FBXL7: variants seen among roughly 807,000 people sequenced by gnomAD.
The protein encoded by FBXL7 is F-box/LRR-repeat protein 7.
A neutral mutation model predicts 38.3 loss-of-function variants in FBXL7; 12 were observed. That is an observed-to-expected ratio of 0.31 (90% CI 0.20 to 0.51). FBXL7 has a LOEUF of 0.51. Ranked by LOEUF, FBXL7 falls within the 20% of genes least tolerant of loss-of-function variation. FBXL7 has a pLI of 0.98. For missense variants in FBXL7, 567 were observed against 676.4 expected (o/e 0.84, Z 1.79); for synonymous variants, 297 against 300.9 (o/e 0.99, Z 0.13).
At chr5:15,532,032 G>T (rs906079020) in intron 1 of FBXL7, among the ~76,000 whole-genome samples, 2 of 152,150 alleles carry the variant, frequency 1.3e-5, no homozygotes, top group African/African-American at 4.8e-5. Flanking sequence ...CTTCTGTAAT[G>T]GTGTCACATG....
rs1198241404 is a variant in FBXL7, at chr5:15,654,949, C to A, written c.127+38877C>A. ...TCTATGTTTGCATAGTATGTACACG[C>A]TAGAAAATTTCTCAGAGTGACTGTG... On this transcript the variant is annotated intron_variant, in intron 2 of 3. Transcript: ENST00000504595. Among the ~76,000 whole-genome samples, 3 of 152,254 alleles carry A rather than the reference C, an allele frequency of 2.0e-5. No individual in the cohort carries two copies. In the East Asian group the frequency reaches 5.8e-4, roughly 29 times the overall value.
chr5:15,503,422 A>AAAAAC (rs1561007683), intron 1 of FBXL7, among the ~76,000 whole-genome samples: 1 of 152,244 alleles, frequency 6.6e-6, no homozygotes, highest in African/African-American at 2.4e-5. Flanking sequence ...CTCCGTGTCA[A>AAAAAC]AAAACAAAAC....
rs772665720 is a variant in FBXL7, at chr5:15,928,305, C to G, written c.543C>G (p.Thr181=). 1.9e-6 allele frequency: 3 copies of G among 1,613,676 alleles called. No individual in the cohort carries two copies. The highest frequency in any genetic ancestry group is 2.5e-6 in the Non-Finnish European group (3 of 1,179,756). Residue 181 remains threonine (T), a synonymous_variant, in exon 3 of 4, where the codon ACC becomes ACG. Transcript: ENST00000504595. This position sits in a 1 kb window ranked among gnomAD's most constrained non-coding sequence, Gnocchi z 4.0. ...TGACCCGCAGACTCTGCCAGGACAC[C>G]CCCAACGTGTGTCTCATGCTGGAAA... is the stretch of plus-strand genomic sequence containing the variant. ...KVLTRRLCQD[T]PNVCLMLETV...
chr5:15,863,887 A>G (rs1042504664), intron 2 of FBXL7, among the ~76,000 whole-genome samples: 1 of 152,186 alleles, frequency 6.6e-6, no homozygotes, highest in Non-Finnish European at 1.5e-5. Context: ...GGCCCTCACT[A>G]GATGCCTAAT....
intron 2 of FBXL7, among the ~76,000 whole-genome samples, chr5:15,793,367 T>A (rs1323898088): frequency 6.6e-6 from 1 of 152,184 alleles, no homozygotes; most frequent in Non-Finnish European, 1.5e-5. Context: ...CAGGAGTTCC[T>A]GGCTGGAAAC....
chr5:15,784,222 G>A (rs548573976), intron 2 of FBXL7, among the ~76,000 whole-genome samples: 24 of 152,116 alleles, frequency 1.6e-4, no homozygotes, highest in Non-Finnish European at 2.9e-4. Flanking sequence ...GGGCAAGTCA[G>A]GCAACTCTGT....
At chr5:15,550,748 T>G (rs1738042423) in intron 1 of FBXL7, among the ~76,000 whole-genome samples, 3 of 152,182 alleles carry the variant, frequency 2.0e-5, no homozygotes, top group African/African-American at 7.2e-5. Context: ...TCTCCCAAAC[T>G]CTTGGCTGAA....
chr5:15,732,326 T>C (rs1392880158), intron 2 of FBXL7, among the ~76,000 whole-genome samples: 1 of 151,832 alleles, frequency 6.6e-6, no homozygotes, highest in Non-Finnish European at 1.5e-5. Flanking sequence ...CAGGAGAAGC[T>C]TGATCCACAC....
chr5:15,608,028 G>T (rs1027166765), intron 1 of FBXL7, among the ~76,000 whole-genome samples: 13 of 152,152 alleles, frequency 8.5e-5, no homozygotes, highest in African/African-American at 3.1e-4. Context: ...AAACTTTCAT[G>T]TGTGTAAAGC....
chr5:15,720,459 T>G (rs1399612336), intron 2 of FBXL7, among the ~76,000 whole-genome samples: 1 of 148,798 alleles, frequency 6.7e-6, no homozygotes, highest in Non-Finnish European at 1.5e-5. Context: ...AACCATATTG[T>G]GCCTGATTAC....
chr5:15,772,427 C>T (rs1018195147), intron 2 of FBXL7, among the ~76,000 whole-genome samples: 1 of 152,084 alleles, frequency 6.6e-6, no homozygotes, highest in African/African-American at 2.4e-5. Flanking sequence ...GAGACAAAAC[C>T]CTCTCTTTCC....
At chr5:15,804,281 A>T (rs1737646944) in intron 2 of FBXL7, among the ~76,000 whole-genome samples, 1 of 152,050 alleles carries the variant, frequency 6.6e-6, no homozygotes, top group South Asian at 2.1e-4. Context: ...CAGCCTGGAC[A>T]ACACAGAGAG....
intron 1 of FBXL7, among the ~76,000 whole-genome samples, chr5:15,563,405 C>T (rs925293127): frequency 3.9e-5 from 6 of 152,066 alleles, no homozygotes; most frequent in Non-Finnish European, 2.9e-5. Context: ...ATTTTCTGTG[C>T]GAAAGTTCTC....
chr5:15,511,770 G>A (rs1736803457), intron 1 of FBXL7, among the ~76,000 whole-genome samples: 1 of 152,120 alleles, frequency 6.6e-6, no homozygotes, highest in African/African-American at 2.4e-5. Flanking sequence ...TGAAAATAGG[G>A]ACCTGCAAAG....
chr5:15,824,309 AAAG>A (rs1738250367), intron 2 of FBXL7, among the ~76,000 whole-genome samples: 1 of 151,642 alleles, frequency 6.6e-6, no homozygotes, highest in Non-Finnish European at 1.5e-5. Flanking sequence ...AAAAAAAAAA[AAAG>A]AGAAAAACGT....
chr5:15,684,522 T>A (rs1179207911), intron 2 of FBXL7, among the ~76,000 whole-genome samples: 2 of 152,156 alleles, frequency 1.3e-5, no homozygotes, highest in Non-Finnish European at 2.9e-5. Flanking sequence ...CCTAGAATAT[T>A]TGAATGTGTT....
intron 1 of FBXL7, among the ~76,000 whole-genome samples, chr5:15,601,197 C>G (rs1366898707): frequency 6.6e-6 from 1 of 152,164 alleles, no homozygotes; most frequent in African/African-American, 2.4e-5. Context: ...GTAGAACCAC[C>G]AGTGAACTTT....
intron 2 of FBXL7, among the ~76,000 whole-genome samples, chr5:15,626,583 C>G (rs968985408): frequency 8.9e-6 from 1 of 111,960 alleles, no homozygotes; most frequent in Admixed American, 8.8e-5. Flanking sequence ...TATGTGTACA[C>G]CATGCACTTA....
In FBXL7 at chr5:15,573,791, C is replaced by T. The variant is rs139057552; in HGVS notation, c.38-42192C>T. The stretch of plus-strand genomic sequence containing the variant: ...CTGCAGAGCATGAATGTGAGGTCAT[C>T]GGTACAAATTAATAGTTTATCACGA... On this transcript the variant is annotated intron_variant, in intron 1 of 3. Coordinates refer to ENST00000504595, the MANE Select transcript of FBXL7 (RefSeq NM_012304.5). Among the ~76,000 whole-genome samples the T allele has an allele frequency of 7.9e-5, 12 of 152,234 alleles. No homozygotes were observed. The East Asian group carries it at 9.7e-4, about 12-fold the overall frequency.
Sources: gnomAD v4.1 joint callset for allele counts (sites outside exome capture counted in the v4.1 genomes callset) on GRCh38, gnomAD v4.1.1 for gene constraint, Gnocchi (gnomAD v3.1) non-coding constraint, MANE v1.5 for transcripts, NCBI Gene and HGNC (gene_info 2026-07-23, HGNC 2026-07-21) for gene names.